The following CDH13 variants were observed in gnomAD, a reference collection of about 807,000 sequenced individuals.
CDH13 encodes the protein cadherin 13, also known as cadherin-13.
A neutral mutation model predicts 63.8 loss-of-function variants in CDH13; 24 were observed. The ratio of observed to expected loss-of-function variants is 0.38; its 90% confidence interval spans 0.27 to 0.53. The LOEUF (loss-of-function observed/expected upper bound fraction) is 0.53, where lower values mean the gene tolerates loss of function less well. CDH13 is among the 20% of genes least tolerant of loss of function. CDH13 has a pLI of 0.85. For missense variants in CDH13, 1,049 were observed against 903.1 expected (o/e 1.16, Z -2.07); for synonymous variants, 503 against 355.3 (o/e 1.42, Z -4.67).
At chr16:82,986,622 T>A (rs1480998823) in intron 2 of CDH13, among the ~76,000 whole-genome samples, 1 of 152,192 alleles carries the variant, frequency 6.6e-6, no homozygotes, top group Non-Finnish European at 1.5e-5. Flanking sequence ...CTTCTTCCTG[T>A]GTCTCTTATT....
At chr16:83,000,940 C>A (rs1035215656) in intron 2 of CDH13, among the ~76,000 whole-genome samples, 1 of 152,164 alleles carries the variant, frequency 6.6e-6, no homozygotes, top group Non-Finnish European at 1.5e-5. Flanking sequence ...TGCCTATTTG[C>A]TTTTCTCTCT....
chr16:83,538,031 G>A (rs2075227438), intron 7 of CDH13, among the ~76,000 whole-genome samples: 1 of 152,046 alleles, frequency 6.6e-6, no homozygotes, highest in Non-Finnish European at 1.5e-5. Flanking sequence ...TCTATAAATT[G>A]CTTTGCTTGT....
Position 83,780,117 on chromosome 16 carries a change from C to A in CDH13, c.1831C>A (p.Leu611Ile), listed in dbSNP as rs1567591044. The change falls in exon 12 of 14, where the codon CTT becomes ATT. Residue 611 changes from leucine (L) to isoleucine (I), a missense_variant. By Grantham distance (5) the Leu-to-Ile change is conservative. Coordinates refer to ENST00000567109, the MANE Select transcript of CDH13 (RefSeq NM_001257.5). ...CATTTTGGGAGCATCAGATAAGGATCTTCACCCGAATACAGATCCTTTCAA... is the reference window on the plus strand; with the variant it reads ...CATTTTGGGAGCATCAGATAAGGATATTCACCCGAATACAGATCCTTTCAA... ...VVILGASDKDLHPNTDPFKFE... is the reference protein window; with the variant it reads ...VVILGASDKDIHPNTDPFKFE... 1 of 1,613,610 alleles carries A rather than the reference C, an allele frequency of 6.2e-7. No individual in the cohort carries two copies. The highest frequency in any genetic ancestry group is 1.1e-5 in the South Asian group (1 of 91,030).
At chr16:83,672,509 C>G (rs916866149) in intron 9 of CDH13, among the ~76,000 whole-genome samples, 1 of 145,616 alleles carries the variant, frequency 6.9e-6, no homozygotes, top group Non-Finnish European at 1.5e-5. Flanking sequence ...ACTGCAACCT[C>G]CACCTCCTGG....
intron 6 of CDH13, among the ~76,000 whole-genome samples, chr16:83,480,361 A>C (rs117250111): frequency 6.6e-6 from 1 of 152,212 alleles, no homozygotes; most frequent in South Asian, 2.1e-4. Flanking sequence ...AGAGAAGCCC[A>C]GCAGGTGAGG....
At chr16:82,842,822 G>A (rs910889029) in intron 1 of CDH13, among the ~76,000 whole-genome samples, 2 of 152,082 alleles carry the variant, frequency 1.3e-5, no homozygotes, top group African/African-American at 4.8e-5. Context: ...TAGGGTGATG[G>A]GAGACAGTGA....
At chr16:82,796,618 G>T (rs762612555) in intron 1 of CDH13, among the ~76,000 whole-genome samples, 6 of 152,238 alleles carry the variant, frequency 3.9e-5, no homozygotes, top group Admixed American at 6.5e-5. Flanking sequence ...GCTTATGGGT[G>T]TTCCACACTT....
intron 10 of CDH13, among the ~76,000 whole-genome samples, chr16:83,733,787 G>A (rs1304440993): frequency 2.0e-5 from 3 of 152,122 alleles, no homozygotes; most frequent in Non-Finnish European, 2.9e-5. Context: ...CTCCCAGTGA[G>A]CGTGTTTCTT....
chr16:83,402,416 G>A (rs936584470), intron 6 of CDH13, among the ~76,000 whole-genome samples: 4 of 152,130 alleles, frequency 2.6e-5, no homozygotes, highest in African/African-American at 9.7e-5. Flanking sequence ...GACTATCCAG[G>A]ATTCCTTAAA....
At chr16:83,203,855 G>A (rs565521387) in intron 4 of CDH13, among the ~76,000 whole-genome samples, 34 of 152,192 alleles carry the variant, frequency 2.2e-4, no homozygotes, top group African/African-American at 7.5e-4. Context: ...AACAGCATCC[G>A]AGGGCATGAT....
rs555873197 is a variant in CDH13 at position 82,814,145 on chromosome 16, C to T, written c.46-44217C>T. ...ATAATAATAAATACATATTTGGTCT[C>T]TGCCCCCAGTTCTAATATTTAGTCT... is the stretch of plus-strand genomic sequence containing the variant. On this transcript the variant is annotated intron_variant, in intron 1 of 13. Coordinates refer to ENST00000567109, the MANE Select transcript of CDH13 (RefSeq NM_001257.5). Among the ~76,000 whole-genome samples the T allele has an allele frequency of 4.6e-5, 7 of 152,272 alleles. No individual in the cohort carries two copies. The South Asian group carries it at 6.2e-4, about 14-fold the overall frequency.
At chr16:83,486,430 T>G (rs763055124) in intron 6 of CDH13, 47 bp from the exon 7 acceptor site, 1 of 1,562,572 alleles carries the variant, frequency 6.4e-7, no homozygotes, top group Admixed American at 1.7e-5. Flanking sequence ...CTGGCCGTTG[T>G]TGACCCATTG....
chr16:83,430,511 G>T (rs116744804), intron 6 of CDH13, among the ~76,000 whole-genome samples: 2,566 of 152,256 alleles, frequency 0.017, 83 homozygotes, highest in African/African-American at 0.059. Flanking sequence ...TGAATTGAAA[G>T]CAAAATTAAA....
chr16:82,824,049 A>T (rs2038128050), intron 1 of CDH13: 1 of 152,182 alleles, frequency 6.6e-6, no homozygotes. Flanking sequence ...AATAAACAAG[A>T]AGAATCTGTA....
intron 7 of CDH13, among the ~76,000 whole-genome samples, chr16:83,591,594 C>T (rs1181731774): frequency 6.6e-6 from 1 of 152,160 alleles, no homozygotes; most frequent in Non-Finnish European, 1.5e-5. Context: ...CCTGATGTCT[C>T]CACTCTTATT....
chr16:83,173,765 A>G lies in CDH13; in HGVS notation c.484-43580A>G, dbSNP rs575294046. ...ATCTTCTGGGCCTCTTTCTTTAGGA[A>G]ACAAACATAAACCTGCCCAAACTGA... On this transcript the variant is annotated intron_variant, in intron 4 of 13. Coordinates refer to ENST00000567109, the MANE Select transcript of CDH13 (RefSeq NM_001257.5). Among the ~76,000 whole-genome samples the G allele has an allele frequency of 1.0e-3, 154 of 152,156 alleles. 2 individuals are homozygous for G. The highest frequency in any genetic ancestry group is 1.5e-3 in the Non-Finnish European group (101 of 67,992).
chr16:82,777,720 C>A (rs1044863074), intron 1 of CDH13, among the ~76,000 whole-genome samples: 1 of 152,184 alleles, frequency 6.6e-6, no homozygotes, highest in African/African-American at 2.4e-5. Context: ...TCAACTGAGG[C>A]AGCAGTCATC....
intron 2 of CDH13, among the ~76,000 whole-genome samples, chr16:83,003,383 A>C (rs1567734511): frequency 3.3e-5 from 5 of 151,596 alleles, no homozygotes; most frequent in Non-Finnish European, 1.5e-5. Flanking sequence ...AACTGGCTTA[A>C]GTGGGTTTTT....
rs999925743 is a variant in CDH13 at position 83,796,550 on chromosome 16, C to T, written c.*1520C>T. The T allele has an allele frequency of 6.6e-6, 1 of 152,134 alleles. No individual in the cohort carries two copies. Among genetic ancestry groups the T allele is most frequent in the African/African-American group, 2.4e-5 (1 of 41,420 alleles). 9.4% of individuals were successfully genotyped at this position (152,134 alleles called of 1,614,324 possible). ...AAATCCTTTTGGAACATATAGAATG[C>T]AGAGATTTTTTTTTCCATTAAAATA... On this transcript the variant is annotated 3_prime_UTR_variant, in exon 14 of 14. Coordinates refer to ENST00000567109, the MANE Select transcript of CDH13 (RefSeq NM_001257.5).
Sources: allele counts gnomAD v4.1 joint callset (sites outside exome capture counted in the v4.1 genomes callset), GRCh38; gene constraint gnomAD v4.1.1; transcripts MANE v1.5; gene names NCBI Gene and HGNC (gene_info 2026-07-23, HGNC 2026-07-21).